SGCD: variants seen among roughly 807,000 people sequenced by gnomAD.
SGCD encodes the protein delta-sarcoglycan.
In SGCD, 18 loss-of-function variants were observed where a neutral mutation model predicts 36.6. That is an observed-to-expected ratio of 0.49 (90% CI 0.34 to 0.73). The LOEUF is 0.73. Ranked by LOEUF, SGCD falls within the 30% of genes least tolerant of loss-of-function variation. SGCD has a pLI of 0.01. For synonymous variants in SGCD, 133 were observed against 130.6 expected, an observed-to-expected ratio of 1.02 and a Z score of -0.12; for missense variants, 387 against 346.7, an observed-to-expected ratio of 1.12 and a Z score of -0.92.
chr5:155,831,282 C>T, the SGCD span, among the ~76,000 whole-genome samples: 1 of 152,192 alleles, frequency 6.6e-6, no homozygotes, highest in South Asian at 2.1e-4. Flanking sequence ...TTGACTGCCT[C>T]TCCTTGATAT....
chr5:156,018,162 T>C (rs746538483), intron 1 of SGCD, among the ~76,000 whole-genome samples: 7 of 152,132 alleles, frequency 4.6e-5, no homozygotes, highest in Non-Finnish European at 8.8e-5. Flanking sequence ...TCTTAGTAAA[T>C]GAATGAATCA....
intron 7 of SGCD, among the ~76,000 whole-genome samples, chr5:156,710,177 C>A (rs1371367692): frequency 6.6e-6 from 1 of 152,070 alleles, no homozygotes; most frequent in Admixed American, 6.6e-5. Context: ...TCAGAAAATG[C>A]ATATATTTAT....
At chr5:155,945,567 G>A (rs1008402445) in intron 1 of SGCD, among the ~76,000 whole-genome samples, 6 of 152,196 alleles carry the variant, frequency 3.9e-5, no homozygotes, top group Non-Finnish European at 8.8e-5. Flanking sequence ...GACGGAACTA[G>A]CCTGAGGCTT....
chr5:156,032,822 C>T (rs769924619), intron 1 of SGCD, among the ~76,000 whole-genome samples: 4 of 149,484 alleles, frequency 2.7e-5, no homozygotes, highest in Non-Finnish European at 5.9e-5. Context: ...GTAATTGTAG[C>T]ACTTTGGGAA....
At chr5:155,822,829 G>A in the SGCD span, among the ~76,000 whole-genome samples, 1 of 152,160 alleles carries the variant, frequency 6.6e-6, no homozygotes, top group African/African-American at 2.4e-5. Context: ...CACAGGCATA[G>A]TGTGCTTTGA....
intron 3 of SGCD, among the ~76,000 whole-genome samples, chr5:156,217,223 T>C (rs1332751349): frequency 6.6e-6 from 1 of 152,258 alleles, no homozygotes; most frequent in Non-Finnish European, 1.5e-5. Flanking sequence ...AAAGTGAAAT[T>C]TGTTGTAAAT....
At chr5:156,432,205 A>G (rs933510344) in intron 3 of SGCD, among the ~76,000 whole-genome samples, 3 of 152,212 alleles carry the variant, frequency 2.0e-5, no homozygotes, top group Non-Finnish European at 2.9e-5. Flanking sequence ...AGATTCCTCC[A>G]TTGTAGATAG....
At chr5:156,534,595 T>C (rs1758020386) in intron 4 of SGCD, among the ~76,000 whole-genome samples, 1 of 152,202 alleles carries the variant, frequency 6.6e-6, no homozygotes, top group African/African-American at 2.4e-5. Context: ...ATGGGAAGAC[T>C]TGCATCAAGG....
chr5:155,911,929 G>C (rs945794309), intron 1 of SGCD, among the ~76,000 whole-genome samples: 1 of 151,990 alleles, frequency 6.6e-6, no homozygotes, highest in Non-Finnish European at 1.5e-5. Flanking sequence ...CTCTCTAAAG[G>C]AGTGGCCCCA....
At chr5:156,653,168 G>A (rs1763526014) in intron 7 of SGCD, among the ~76,000 whole-genome samples, 1 of 152,060 alleles carries the variant, frequency 6.6e-6, no homozygotes, top group African/African-American at 2.4e-5. Flanking sequence ...CAGTAGAATT[G>A]GTAACAGCTC....
chr5:155,940,868 AC>A (rs1290522025), intron 1 of SGCD, among the ~76,000 whole-genome samples: 118 of 147,854 alleles, frequency 8.0e-4, no homozygotes, highest in East Asian at 4.8e-3. Flanking sequence ...AACAACAACA[AC>A]AACAACAAAA....
chr5:155,977,854 G>C (rs1284475173), intron 1 of SGCD, among the ~76,000 whole-genome samples: 1 of 152,164 alleles, frequency 6.6e-6, no homozygotes. Flanking sequence ...TCAGTACTTT[G>C]GGAGGCCGAG....
intron 4 of SGCD, among the ~76,000 whole-genome samples, chr5:156,524,184 C>CTATATATATATATA (rs370041027): frequency 1.3e-5 from 1 of 75,214 alleles, no homozygotes; most frequent in African/African-American, 5.1e-5. Flanking sequence ...ATAGGTCTTA[C>CTATATATATATATA]TATATATATA....
chr5:156,098,101 T>C (rs559338463), intron 1 of SGCD, among the ~76,000 whole-genome samples: 16 of 152,344 alleles, frequency 1.1e-4, no homozygotes. Flanking sequence ...CTCCATTGTT[T>C]CTAGGCAAAG....
intron 3 of SGCD, among the ~76,000 whole-genome samples, chr5:156,355,294 G>T (rs890483897): frequency 2.0e-5 from 3 of 152,152 alleles, no homozygotes; most frequent in African/African-American, 7.2e-5. Context: ...AGAGCTGTGG[G>T]ATTAAGGTAG....
intron 3 of SGCD, among the ~76,000 whole-genome samples, chr5:156,485,211 C>T (rs1344309915): frequency 2.0e-5 from 3 of 152,138 alleles, no homozygotes; most frequent in Non-Finnish European, 4.4e-5. Context: ...CTCTTTCTTC[C>T]ACATTTTGAG....
At chr5:155,736,862 G>A in the SGCD span, among the ~76,000 whole-genome samples, 1 of 152,138 alleles carries the variant, frequency 6.6e-6, no homozygotes, top group Non-Finnish European at 1.5e-5. Flanking sequence ...TCACCACAGA[G>A]ATGACAAAAA....
chr5:156,415,806 T>C (rs1054669757), intron 3 of SGCD, among the ~76,000 whole-genome samples: 1 of 152,180 alleles, frequency 6.6e-6, no homozygotes, highest in Non-Finnish European at 1.5e-5. Context: ...TTGGTGGATT[T>C]CAAATAGGGG....
At chr5:155,939,281 A>G (rs1415783053) in intron 1 of SGCD, among the ~76,000 whole-genome samples, 2 of 152,192 alleles carry the variant, frequency 1.3e-5, no homozygotes, top group Admixed American at 6.5e-5. Flanking sequence ...CCATTCCACT[A>G]TGTGTACATA....
Sources: allele counts gnomAD v4.1 joint callset (sites outside exome capture counted in the v4.1 genomes callset), GRCh38; gene constraint gnomAD v4.1.1; transcripts MANE v1.5; gene names NCBI Gene and HGNC (gene_info 2026-07-23, HGNC 2026-07-21).